AHI1: variants seen among roughly 807,000 people sequenced by gnomAD.
AHI1 encodes Abelson helper integration site 1.
A neutral mutation model predicts 149.3 loss-of-function variants in AHI1; 123 were observed. That is an observed-to-expected ratio of 0.82 (90% CI 0.71 to 0.96). The LOEUF (loss-of-function observed/expected upper bound fraction) is 0.96, where lower values mean the gene tolerates loss of function less well. AHI1 is among the 40% of genes least tolerant of loss of function. The pLI is 0.00. For missense variants in AHI1, 1,439 were observed against 1,422.7 expected, an observed-to-expected ratio of 1.01 and a Z score of -0.18; for synonymous variants, 475 against 459.8, an observed-to-expected ratio of 1.03 and a Z score of -0.42.
chr6:135,377,139 T>C (rs181456033), intron 23 of AHI1, among the ~76,000 whole-genome samples: 1 of 152,114 alleles, frequency 6.6e-6, no homozygotes. Context: ...GTTATTTTTC[T>C]TAGGTATGAT....
At chr6:135,473,758 A>AAATT (rs34088876) in intron 5 of AHI1, among the ~76,000 whole-genome samples, 127,799 of 151,816 alleles carry the variant, frequency 0.84, 55,462 homozygotes, top group East Asian at 0.97. Flanking sequence ...TTTCTATTAT[A>AAATT]ATTTTAAAAT....
intron 20 of AHI1, among the ~76,000 whole-genome samples, chr6:135,415,733 T>A (rs945412938): frequency 6.6e-6 from 1 of 152,198 alleles, no homozygotes; most frequent in Non-Finnish European, 1.5e-5. Flanking sequence ...TTATTTGTAA[T>A]AGCTAAAACC....
At chr6:135,415,974 C>T (rs1394527468) in intron 20 of AHI1, among the ~76,000 whole-genome samples, 1 of 151,940 alleles carries the variant, frequency 6.6e-6, no homozygotes, top group Non-Finnish European at 1.5e-5. Context: ...ATAGTGGTTG[C>T]CTGGGATAAG....
chr6:135,490,580 T>G (rs571022295), intron 5 of AHI1, 43 bp downstream of exon 5: 6 of 1,610,416 alleles, frequency 3.7e-6, no homozygotes, highest in Middle Eastern at 1.7e-4. Context: ...CTGCATTTTA[T>G]GCGCATATGT....
intron 20 of AHI1, among the ~76,000 whole-genome samples, chr6:135,412,136 T>C (rs546526147): frequency 6.6e-6 from 1 of 152,156 alleles, no homozygotes; most frequent in Admixed American, 6.5e-5. Flanking sequence ...GGCTTCCCTA[T>C]CCATGAATTC....
Position 135,457,607 on chromosome 6 carries a change from T to C in AHI1, c.1038A>G (p.Gly346=), listed in dbSNP as rs772510983. 2 of 1,613,786 alleles carry C rather than the reference T, an allele frequency of 1.2e-6. No homozygotes were observed. Residue 346 remains glycine (G), a synonymous_variant, in exon 9 of 29, where the codon GGA becomes GGG. Coordinates refer to ENST00000265602, the MANE Select transcript of AHI1 (RefSeq NM_001134831.2). Reference sequence around the variant, plus strand: ...GTCTATCAGTTCGGTGAATGTAAACTCCCAAGACAAGGTCATCATCAAGCA... The same window carrying C: ...GTCTATCAGTTCGGTGAATGTAAACCCCCAAGACAAGGTCATCATCAAGCA... ...KCLLDDDLVL[G]VYIHRTDRLK...
Position 135,359,952 on chromosome 6 carries a change from T to G in AHI1, c.3110-1765A>C, listed in dbSNP as rs181384976. On this transcript the variant is annotated intron_variant, in intron 23 of 28. Coordinates refer to ENST00000265602, the MANE Select transcript of AHI1 (RefSeq NM_001134831.2). ...TTTCCATTTTAGGATAAGAATGTGT[T>G]GAAAATTAGAATTTCAAAAACTGGA... 6.5e-3 allele frequency among the ~76,000 whole-genome samples: 990 copies of G among 152,284 alleles called. 5 individuals are homozygous for G. The highest frequency in any genetic ancestry group is 0.014 in the Admixed American group (212 of 15,302).
Position 135,433,142 on chromosome 6 carries a change from G to C in AHI1, c.2151C>G (p.Cys717Trp). The change falls in exon 16 of 29, where the codon TGC (cysteine) becomes TGG (tryptophan). Residue 717 changes from cysteine to tryptophan, a missense_variant. Coordinates refer to ENST00000265602, the MANE Select transcript of AHI1 (RefSeq NM_001134831.2). ...PAVRELVVTG[C>W]YDSMIRIWKV... is the part of the protein sequence containing the mutation. ...TCCATATCCGTATCATGGAATCATA[G>C]CATCCTGTAACTACTAGCTCTCTTA... is the stretch of plus-strand genomic sequence containing the variant. 6.2e-7 allele frequency: 1 copy of C among 1,613,116 alleles called. No individual in the cohort carries two copies. The highest frequency in any genetic ancestry group is 8.5e-7 in the Non-Finnish European group (1 of 1,179,212).
chr6:135,452,398 C>A (rs1040838955), intron 11 of AHI1, among the ~76,000 whole-genome samples: 1 of 152,178 alleles, frequency 6.6e-6, no homozygotes, highest in South Asian at 2.1e-4. Context: ...TGAAACATCT[C>A]GTCAAAGACA....
intron 23 of AHI1, among the ~76,000 whole-genome samples, chr6:135,369,362 A>G (rs73559962): frequency 2.5e-4 from 38 of 152,332 alleles, no homozygotes; most frequent in African/African-American, 9.1e-4. Flanking sequence ...AAAAGTTCAC[A>G]GTGTGATTCT....
In AHI1 at chr6:135,342,440, A is replaced by G. The variant is rs549135627; in HGVS notation, c.3165+15692T>C. On this transcript the variant is annotated intron_variant, in intron 24 of 28. Transcript: ENST00000265602. The stretch of plus-strand genomic sequence containing the variant: ...TCGGTATTACCATGATCCCAAAACC[A>G]GACAAGAAAATTACAGATCAATGTC... Among the ~76,000 whole-genome samples, 6 of 152,038 alleles carry G rather than the reference A, an allele frequency of 3.9e-5. No individual in the cohort carries two copies. The South Asian group carries it at 6.2e-4, about 16-fold the overall frequency.
chr6:135,337,329 T>C (rs565093300), intron 24 of AHI1, among the ~76,000 whole-genome samples: 1 of 152,340 alleles, frequency 6.6e-6, no homozygotes, highest in African/African-American at 2.4e-5. Context: ...GCAGCATACA[T>C]GTACCACATA....
chr6:135,343,930 G>A (rs1049618229), intron 24 of AHI1, among the ~76,000 whole-genome samples: 5 of 151,908 alleles, frequency 3.3e-5, no homozygotes, highest in Admixed American at 6.6e-5. Flanking sequence ...GTGTGTCAAA[G>A]GATATGATCA....
intron 23 of AHI1, among the ~76,000 whole-genome samples, chr6:135,384,927 GA>G (rs1196577616): frequency 2.6e-5 from 4 of 151,988 alleles, no homozygotes; most frequent in Non-Finnish European, 5.9e-5. Flanking sequence ...CGCCTCTACT[GA>G]AAATAAGAAA....
intron 24 of AHI1, among the ~76,000 whole-genome samples, chr6:135,352,493 C>T (rs996994484): frequency 6.6e-6 from 1 of 152,088 alleles, no homozygotes; most frequent in African/African-American, 2.4e-5. Context: ...CTCTAAACAG[C>T]CTTCCTAAAC....
intron 27 of AHI1, among the ~76,000 whole-genome samples, chr6:135,293,463 G>A (rs912429755): frequency 1.9e-4 from 24 of 127,946 alleles, no homozygotes; most frequent in Admixed American, 7.9e-5. Context: ...AGATTGTGAA[G>A]AAAGAAAACT....
intron 23 of AHI1, among the ~76,000 whole-genome samples, chr6:135,374,392 G>A (rs1316468271): frequency 1.3e-5 from 2 of 151,934 alleles, no homozygotes; most frequent in Admixed American, 6.6e-5. Flanking sequence ...GATTACAGGC[G>A]TGAGCCACCG....
Position 135,285,607 on chromosome 6 carries a change from C to G in AHI1, c.*38G>C, listed in dbSNP as rs1267272584. 1.2e-6 allele frequency: 2 copies of G among 1,604,470 alleles called. No homozygotes were observed. The highest frequency in any genetic ancestry group is 4.5e-5 in the East Asian group (2 of 44,760). Reference sequence around the variant, plus strand: ...TCCATTTGGTTTGTCATTTTCACCTCTGTGCATTTCGGCAGCTCTTAACTT... The same window carrying G: ...TCCATTTGGTTTGTCATTTTCACCTGTGTGCATTTCGGCAGCTCTTAACTT... On this transcript the variant is annotated 3_prime_UTR_variant, in exon 29 of 29. Coordinates refer to ENST00000265602, the MANE Select transcript of AHI1 (RefSeq NM_001134831.2).
chr6:135,474,096 A>G (rs1339121544), intron 5 of AHI1, among the ~76,000 whole-genome samples: 2 of 152,204 alleles, frequency 1.3e-5, no homozygotes, highest in Admixed American at 6.5e-5. Flanking sequence ...TTCTGAGCAC[A>G]CTTAAGGTAG....
Sources: gnomAD v4.1 joint callset for allele counts (sites outside exome capture counted in the v4.1 genomes callset) on GRCh38, gnomAD v4.1.1 for gene constraint, MANE v1.5 for transcripts, NCBI Gene and HGNC (gene_info 2026-07-23, HGNC 2026-07-21) for gene names.